CDKL5: variants seen among roughly 807,000 people sequenced by gnomAD.
CDKL5 encodes the protein cyclin dependent kinase like 5, also known as cyclin-dependent kinase-like 5.
Under a neutral mutation model 61.7 loss-of-function variants are expected in CDKL5, and 8 were observed. That is an observed-to-expected ratio of 0.13 (90% CI 0.08 to 0.23). The LOEUF is 0.23. CDKL5 is among the 10% of genes least tolerant of loss of function. The probability of loss-of-function intolerance (pLI) is 1.00; values close to 1 mark genes in which losing one functional copy is unlikely to be tolerated. For synonymous variants in CDKL5, 275 were observed against 272.3 expected, an observed-to-expected ratio of 1.01 and a Z score of -0.10; for missense variants, 440 against 734.5, an observed-to-expected ratio of 0.60 and a Z score of 4.63.
chrX:18,428,473 G>A (rs1338535600), intron 1 of CDKL5, among the ~76,000 whole-genome samples: 1 of 111,567 alleles, frequency 9.0e-6, no homozygotes, highest in African/African-American at 3.3e-5. Context: ...TAGATATTAG[G>A]TATGCTAACA....
chrX:18,626,725 C>CTCTCTCTCTCTCTCT (rs1927068634), intron 17 of CDKL5: 1 of 25,786 alleles, frequency 3.9e-5, no homozygotes, highest in African/African-American at 1.6e-4. Flanking sequence ...TCTCTCTCTC[C>CTCTCTCTCTCTCTCT]CCCCTCTCTC....
intron 4 of CDKL5, among the ~76,000 whole-genome samples, chrX:18,567,541 G>A (rs1925008577): frequency 9.0e-6 from 1 of 111,437 alleles, no homozygotes; most frequent in Non-Finnish European, 1.9e-5. Flanking sequence ...GACTTGTGAT[G>A]AGGCCACATC....
chrX:18,578,901 A>G (rs143376979), intron 5 of CDKL5, among the ~76,000 whole-genome samples: 1 of 112,611 alleles, frequency 8.9e-6, no homozygotes, highest in Non-Finnish European at 1.9e-5. Flanking sequence ...TTTTAAAGGC[A>G]AGGTTTAATT....
At position 18,557,443 on chromosome X, in the gene CDKL5, CTGGAACCAG is replaced by C. The variant is rs746141901; in HGVS notation, c.100-7030_100-7022del. Among the ~76,000 whole-genome samples the C allele has an allele frequency of 6.1e-4, 68 of 111,520 alleles. No homozygotes were observed. The East Asian group carries it at 0.017, about 27-fold the overall frequency. ...ATGGATTTTGGTATCCTCGGGGATCCTGGAACCAGTGGCCCCCTCTATATCCTCGTAGAT... is the reference window on the plus strand; with the variant it reads ...ATGGATTTTGGTATCCTCGGGGATCCTGGCCCCCTCTATATCCTCGTAGAT... On this transcript the variant is annotated intron_variant, in intron 3 of 17. Coordinates refer to ENST00000623535, the MANE Select transcript of CDKL5 (RefSeq NM_001323289.2).
At chrX:18,566,203 G>A (rs1445511095) in intron 4 of CDKL5, among the ~76,000 whole-genome samples, 1 of 111,942 alleles carries the variant, frequency 8.9e-6, no homozygotes, top group Non-Finnish European at 1.9e-5. Flanking sequence ...CCAGGCTGGA[G>A]TGCAGTGGCG....
At chrX:18,580,984 C>T (rs1424357946) in intron 6 of CDKL5, among the ~76,000 whole-genome samples, 1 of 106,939 alleles carries the variant, frequency 9.4e-6, no homozygotes, top group East Asian at 3.0e-4. Context: ...AACTGGACAT[C>T]CAGTGTCTAG....
At position 18,579,841 on chromosome X, in the gene CDKL5, T is replaced by A. The variant is rs200801598; in HGVS notation, c.283-7T>A. ...TTTGGGAAATAATGACTCTATTTAA[T>A]TTTTAGAATATGCTCGAATTGCTGG... is the stretch of plus-strand genomic sequence containing the variant. On this transcript the variant is annotated splice_region_variant and splice_polypyrimidine_tract_variant and intron_variant, in intron 5 of 17. Transcript: ENST00000623535. 4.1e-6 allele frequency: 5 copies of A among 1,206,140 alleles called. No individual in the cohort carries two copies. Among genetic ancestry groups the A allele is most frequent in the Non-Finnish European group, 5.6e-6 (5 of 890,785 alleles).
Position 18,434,799 on chromosome X carries a change from G to A in CDKL5, c.-163+9104G>A, listed in dbSNP as rs189911316. Among the ~76,000 whole-genome samples the A allele has an allele frequency of 4.3e-3, 478 of 110,774 alleles. 2 individuals carry two copies. Among genetic ancestry groups the A allele is most frequent in the Middle Eastern group, 0.042 (9 of 213 alleles). ...AAAAATTAGCTGAGTGTGGTGGCAC[G>A]CACCTGTAATCCCAGCTACTCAGGA... On this transcript the variant is annotated intron_variant, in intron 1 of 17. Transcript: ENST00000623535.
At chrX:18,485,149 C>T (rs1482264890) in intron 1 of CDKL5, among the ~76,000 whole-genome samples, 1 of 108,287 alleles carries the variant, frequency 9.2e-6, no homozygotes, top group African/African-American at 3.4e-5. Flanking sequence ...GCCTACAGGT[C>T]ACAGCAGAAA....
In CDKL5 at chrX:18,575,324, T is replaced by G. The variant is rs749874304; in HGVS notation, c.146-30T>G. On this transcript the variant is annotated intron_variant, in intron 4 of 17. Coordinates refer to ENST00000623535, the MANE Select transcript of CDKL5 (RefSeq NM_001323289.2). ...GAATAGTAGCTTGAAAGTTTTCATT[T>G]TAGTCTCTTCACCATTGTTTACATT... 4.2e-6 allele frequency: 5 copies of G among 1,192,981 alleles called. No homozygotes were observed. The African/African-American group carries it at 8.8e-5, about 21-fold the overall frequency.
chrX:18,603,610 G>A (rs1347430488), intron 11 of CDKL5, among the ~76,000 whole-genome samples: 1 of 112,216 alleles, frequency 8.9e-6, no homozygotes. Context: ...CCAATATAAT[G>A]AGAGTATGTT....
At chrX:18,446,760 T>C (rs1347176981) in intron 1 of CDKL5, among the ~76,000 whole-genome samples, 1 of 112,063 alleles carries the variant, frequency 8.9e-6, no homozygotes, top group East Asian at 2.8e-4. Context: ...GCCACTGTTT[T>C]CAAATCTGCC....
intron 15 of CDKL5, among the ~76,000 whole-genome samples, chrX:18,614,794 A>G (rs982322578): frequency 1.8e-5 from 2 of 112,426 alleles, no homozygotes; most frequent in Non-Finnish European, 3.8e-5. Flanking sequence ...TGGCTTTGAT[A>G]AGTCATGACA....
At chrX:18,456,761 A>G (rs1270423379) in intron 1 of CDKL5, among the ~76,000 whole-genome samples, 2 of 111,727 alleles carry the variant, frequency 1.8e-5, no homozygotes, top group Non-Finnish European at 3.8e-5. Context: ...TTTCTGTCAA[A>G]TACACCTAGT....
chrX:18,491,827 T>G (rs562959225), intron 1 of CDKL5, among the ~76,000 whole-genome samples: 1 of 111,811 alleles, frequency 8.9e-6, no homozygotes, highest in South Asian at 3.7e-4. Context: ...ATTAGAGTAC[T>G]GTACATACAT....
intron 4 of CDKL5, among the ~76,000 whole-genome samples, chrX:18,570,811 C>G (rs1925112485): frequency 8.9e-6 from 1 of 112,123 alleles, no homozygotes; most frequent in South Asian, 3.7e-4. Context: ...GAATTGTTCT[C>G]TTTAGCAAAT....
In CDKL5 at chrX:18,546,254, T is replaced by A. The variant is rs1163232179; in HGVS notation, c.100-18223T>A. Among the ~76,000 whole-genome samples, 4 of 108,382 alleles carry A rather than the reference T, an allele frequency of 3.7e-5. No homozygotes were observed. In the East Asian group the frequency reaches 1.1e-3, roughly 31 times the overall value. 94.1% of individuals were successfully genotyped at this position (108,382 alleles called of 115,157 possible). A position where few individuals can be genotyped will look rare whatever the true frequency, so the allele number is the denominator to read the frequency against. On this transcript the variant is annotated intron_variant, in intron 3 of 17. Coordinates refer to ENST00000623535, the MANE Select transcript of CDKL5 (RefSeq NM_001323289.2). ...ATGTTTAAGTTACATATCTTCTACT[T>A]CTTCTTTTTTTTTTTTTTTTTTTTG...
At chrX:18,601,902 T>C (rs949242157) in intron 11 of CDKL5, among the ~76,000 whole-genome samples, 6 of 111,724 alleles carry the variant, frequency 5.4e-5, no homozygotes, top group African/African-American at 2.0e-4. Flanking sequence ...GTACATGTTA[T>C]CTGTCTACGA....
In CDKL5 at chrX:18,633,786, G is replaced by A; in HGVS notation, c.*5029G>A. On this transcript the variant is annotated 3_prime_UTR_variant, in exon 18 of 18. Coordinates refer to ENST00000623535, the MANE Select transcript of CDKL5 (RefSeq NM_001323289.2). Reference sequence around the variant, plus strand: ...ACTACATGAATCTTCATTTCCCACAGTGGTTTGTTCATTCATCAGCGTTAG... The same window carrying A: ...ACTACATGAATCTTCATTTCCCACAATGGTTTGTTCATTCATCAGCGTTAG... The A allele has an allele frequency of 2.7e-6, 2 of 753,697 alleles. No individual in the cohort carries two copies. Among genetic ancestry groups the A allele is most frequent in the Non-Finnish European group, 3.1e-6 (2 of 639,172 alleles). The allele number at this position is 753,697 out of a possible 1,213,427, so 62.1% of individuals were successfully genotyped here.
Sources: allele counts gnomAD v4.1 joint callset (sites outside exome capture counted in the v4.1 genomes callset), GRCh38; gene constraint gnomAD v4.1.1; transcripts MANE v1.5; gene names NCBI Gene and HGNC (gene_info 2026-07-23, HGNC 2026-07-21).